Variants in NLGN1 observed in about 807,000 individuals in gnomAD.
NLGN1 encodes the protein neuroligin-1.
A neutral mutation model predicts 65.5 loss-of-function variants in NLGN1; 12 were observed. That is an observed-to-expected ratio of 0.18 (90% CI 0.12 to 0.30). NLGN1 has a LOEUF of 0.30. Among genes scored for constraint, NLGN1 ranks in the 10% least tolerant of loss-of-function variants. The pLI is 1.00. For missense variants in NLGN1, 750 were observed against 1,007.1 expected (o/e 0.74, Z 3.46); for synonymous variants, 350 against 359.5 (o/e 0.97, Z 0.30).
chr3:173,635,931 A>AGT (rs1756503287), intron 3 of NLGN1, among the ~76,000 whole-genome samples: 1 of 152,148 alleles, frequency 6.6e-6, no homozygotes, highest in Admixed American at 6.6e-5. Flanking sequence ...GAAAGAAGAT[A>AGT]GTGATCAAGA....
At chr3:173,926,157 G>T (rs1189440041) in intron 4 of NLGN1, among the ~76,000 whole-genome samples, 1 of 151,456 alleles carries the variant, frequency 6.6e-6, no homozygotes, top group East Asian at 1.9e-4. Flanking sequence ...ACTTTAAATA[G>T]TATTTTTTTT....
intron 4 of NLGN1, among the ~76,000 whole-genome samples, chr3:174,000,891 A>G (rs1398698334): frequency 6.6e-6 from 1 of 152,166 alleles, no homozygotes; most frequent in South Asian, 2.1e-4. Context: ...GAGTGGGCAG[A>G]TGGGTGGACA....
intron 3 of NLGN1, among the ~76,000 whole-genome samples, chr3:173,749,671 A>G (rs1776040562): frequency 6.7e-6 from 1 of 148,926 alleles, no homozygotes; most frequent in Non-Finnish European, 1.5e-5. Context: ...GCTTCTAACC[A>G]AAAAAAAAAT....
chr3:173,967,842 C>T (rs1715222096), intron 4 of NLGN1, among the ~76,000 whole-genome samples: 1 of 152,120 alleles, frequency 6.6e-6, no homozygotes, highest in Non-Finnish European at 1.5e-5. Context: ...TTATATATTT[C>T]ATTTTTCTTT....
At chr3:173,810,652 T>C (rs938169051) in intron 4 of NLGN1, among the ~76,000 whole-genome samples, 6 of 152,168 alleles carry the variant, frequency 3.9e-5, no homozygotes, top group African/African-American at 1.4e-4. Context: ...ATTTTAGTGA[T>C]GAATAGAGAT....
chr3:173,500,160 T>C (rs1477026824), intron 2 of NLGN1, among the ~76,000 whole-genome samples: 4 of 152,104 alleles, frequency 2.6e-5, no homozygotes, highest in African/African-American at 4.8e-5. Flanking sequence ...CCAGTTTTTG[T>C]CCATTCATTA....
intron 4 of NLGN1, among the ~76,000 whole-genome samples, chr3:173,820,167 A>T (rs184139957): frequency 1.5e-5 from 2 of 133,312 alleles, no homozygotes; most frequent in Non-Finnish European, 3.1e-5. Context: ...AGAGAGAGCG[A>T]GATTCAGTCT....
chr3:174,246,530 G>A (rs937627242), intron 4 of NLGN1, among the ~76,000 whole-genome samples: 10 of 151,880 alleles, frequency 6.6e-5, no homozygotes, highest in African/African-American at 1.2e-4. Context: ...GTGATCCTCC[G>A]GCTTCAGCCT....
chr3:173,964,940 T>C (rs1714479765), intron 4 of NLGN1, among the ~76,000 whole-genome samples: 1 of 152,196 alleles, frequency 6.6e-6, no homozygotes, highest in Non-Finnish European at 1.5e-5. Context: ...TATGAGATCT[T>C]CAAAGCTGTT....
At chr3:174,062,223 G>GA (rs1400565008) in intron 4 of NLGN1, among the ~76,000 whole-genome samples, 4 of 152,152 alleles carry the variant, frequency 2.6e-5, no homozygotes, top group African/African-American at 9.6e-5. Context: ...GAAAGCTTTT[G>GA]AAGCTTGGGA....
chr3:173,860,177 T>C (rs1728784981), intron 4 of NLGN1, among the ~76,000 whole-genome samples: 1 of 152,058 alleles, frequency 6.6e-6, no homozygotes, highest in East Asian at 1.9e-4. Flanking sequence ...AGTTTCTTTT[T>C]TTCATTAAGT....
At chr3:173,877,332 C>T (rs922409602) in intron 4 of NLGN1, among the ~76,000 whole-genome samples, 26 of 152,046 alleles carry the variant, frequency 1.7e-4, no homozygotes, top group Middle Eastern at 3.4e-3. Flanking sequence ...AATTGTGGGA[C>T]GGTCCATGAA....
At chr3:174,272,657 G>GGTTA (rs1553987126) in intron 4 of NLGN1, among the ~76,000 whole-genome samples, 9 of 120,022 alleles carry the variant, frequency 7.5e-5, no homozygotes, top group Middle Eastern at 4.0e-3. Flanking sequence ...ATGGATGGAT[G>GGTTA]GATGGATGGA....
intron 2 of NLGN1, among the ~76,000 whole-genome samples, chr3:173,593,196 A>G (rs1258735509): frequency 1.3e-5 from 2 of 152,170 alleles, no homozygotes; most frequent in East Asian, 1.9e-4. Context: ...CTTAAAGTCT[A>G]TCTTCCCCCA....
intron 4 of NLGN1, among the ~76,000 whole-genome samples, chr3:173,835,215 A>G (rs1723380765): frequency 6.6e-6 from 1 of 152,126 alleles, no homozygotes; most frequent in Non-Finnish European, 1.5e-5. Flanking sequence ...TTTTGCTTTA[A>G]ACATTGCTTG....
intron 4 of NLGN1, among the ~76,000 whole-genome samples, chr3:173,970,107 C>T (rs926781277): frequency 1.8e-4 from 28 of 151,990 alleles, no homozygotes; most frequent in Admixed American, 1.4e-3. Context: ...ATTTTAACAT[C>T]TAAAAGAGTA....
intron 4 of NLGN1, among the ~76,000 whole-genome samples, chr3:174,261,494 T>A (rs1176379995): frequency 2.7e-5 from 4 of 148,792 alleles, no homozygotes; most frequent in Non-Finnish European, 4.5e-5. Context: ...TTTGTCTGTT[T>A]TTGGTGTATA....
In NLGN1 at chr3:173,452,151, C is replaced by T. The variant is rs149510134; in HGVS notation, c.-321+17073C>T. On this transcript the variant is annotated intron_variant, in intron 2 of 6. Coordinates refer to ENST00000457714, the Ensembl canonical transcript of NLGN1. ...GAAATCACCCATCTTCTGCGTCACT[C>T]GCGCTGGGAGCTGTAGACTGGAGCT... Among the ~76,000 whole-genome samples, 1,319 of 152,196 alleles carry T rather than the reference C, an allele frequency of 8.7e-3. 24 individuals are homozygous for T. The highest frequency in any genetic ancestry group is 0.03 in the African/African-American group (1,258 of 41,510).
intron 3 of NLGN1, among the ~76,000 whole-genome samples, chr3:173,683,152 A>T (rs1502466): frequency 0.12 from 17,581 of 152,240 alleles, 1,308 homozygotes; most frequent in Non-Finnish European, 0.16. Flanking sequence ...TTTATAAATG[A>T]TGTATAAGAA....
Sources: gnomAD v4.1 joint callset for allele counts (sites outside exome capture counted in the v4.1 genomes callset) on GRCh38, gnomAD v4.1.1 for gene constraint, MANE v1.5 for transcripts, NCBI Gene and HGNC (gene_info 2026-07-23, HGNC 2026-07-21) for gene names.